Variants in PTPRO observed in about 807,000 individuals in gnomAD.
The protein encoded by PTPRO is protein tyrosine phosphatase receptor type O, also known as receptor-type tyrosine-protein phosphatase O.
PTPRO carries 62 observed loss-of-function variants against 145.2 expected under a neutral mutation model. The observed-to-expected ratio is 0.43, with a 90% CI of 0.35 to 0.53. PTPRO has a LOEUF of 0.53. Ranked by LOEUF, PTPRO falls within the 20% of genes least tolerant of loss-of-function variation. PTPRO has a pLI of 0.01. For missense variants in PTPRO, 1,345 were observed against 1,482.7 expected, an observed-to-expected ratio of 0.91 and a Z score of 1.53; for synonymous variants, 565 against 514.7, an observed-to-expected ratio of 1.10 and a Z score of -1.32.
chr12:15,585,841 T>G lies in PTPRO; in HGVS notation c.3256-1056T>G, dbSNP rs540009768. Among the ~76,000 whole-genome samples the G allele has an allele frequency of 4.6e-5, 7 of 152,310 alleles. No individual in the cohort carries two copies. The South Asian group carries it at 1.5e-3, about 32-fold the overall frequency. ...AGAATATGTAACTCTTACAAGTTAG[T>G]TGGGACTAAAAAGAGTTGATCTGGA... On this transcript the variant is annotated intron_variant, in intron 23 of 26. Coordinates refer to ENST00000281171, the MANE Select transcript of PTPRO (RefSeq NM_030667.3).
At chr12:15,502,820 T>C (rs1942248621) in intron 5 of PTPRO, among the ~76,000 whole-genome samples, 1 of 152,196 alleles carries the variant, frequency 6.6e-6, no homozygotes, top group Non-Finnish European at 1.5e-5. Context: ...TACAGTAATA[T>C]ACTTCATTTT....
chr12:15,390,663 A>G (rs1292440030), intron 1 of PTPRO, among the ~76,000 whole-genome samples: 1 of 152,194 alleles, frequency 6.6e-6, no homozygotes, highest in Non-Finnish European at 1.5e-5. Context: ...AATAAGAATT[A>G]TATGGTCTAG....
intron 1 of PTPRO, among the ~76,000 whole-genome samples, chr12:15,458,146 A>AT (rs936480114): frequency 4.0e-5 from 6 of 151,888 alleles, no homozygotes; most frequent in East Asian, 1.9e-4. Context: ...TAGTTGACAG[A>AT]TTTTTTTTCT....
At chr12:15,372,674 CT>C (rs1433030169) in intron 1 of PTPRO, among the ~76,000 whole-genome samples, 28 of 151,962 alleles carry the variant, frequency 1.8e-4, no homozygotes, top group Non-Finnish European at 3.7e-4. Context: ...AAGACATTGC[CT>C]ATATTAGTAA....
intron 1 of PTPRO, among the ~76,000 whole-genome samples, chr12:15,434,257 T>C (rs925260502): frequency 4.6e-5 from 7 of 152,232 alleles, no homozygotes; most frequent in African/African-American, 1.7e-4. Context: ...AGCTGTAATA[T>C]CTTAAGTTCA....
At chr12:15,450,575 A>T (rs1265087681) in intron 1 of PTPRO, among the ~76,000 whole-genome samples, 1 of 152,134 alleles carries the variant, frequency 6.6e-6, no homozygotes, top group Non-Finnish European at 1.5e-5. Context: ...GGATTTCAAG[A>T]CCTGCTAGGG....
At chr12:15,351,496 G>C (rs1421892115) in intron 1 of PTPRO, among the ~76,000 whole-genome samples, 1 of 152,114 alleles carries the variant, frequency 6.6e-6, no homozygotes, top group Non-Finnish European at 1.5e-5. Flanking sequence ...ATATTTCAAA[G>C]ATTATATGGA....
chr12:15,505,944 A>G (rs1942313020), intron 6 of PTPRO, among the ~76,000 whole-genome samples: 1 of 152,248 alleles, frequency 6.6e-6, no homozygotes, highest in South Asian at 2.1e-4. Flanking sequence ...AGCCTTATGA[A>G]GAAAACACTT....
At chr12:15,547,361 G>T (rs1432513755) in intron 13 of PTPRO, among the ~76,000 whole-genome samples, 1 of 152,198 alleles carries the variant, frequency 6.6e-6, no homozygotes, top group African/African-American at 2.4e-5. Context: ...TCTATGAGTG[G>T]CAACGCCACA....
intron 1 of PTPRO, among the ~76,000 whole-genome samples, chr12:15,340,634 C>T (rs1052243155): frequency 1.3e-5 from 2 of 152,150 alleles, no homozygotes; most frequent in African/African-American, 4.8e-5. Flanking sequence ...AAGATAATTA[C>T]ACAGAGCTGA....
At chr12:15,492,649 A>C (rs891287550) in intron 2 of PTPRO, among the ~76,000 whole-genome samples, 2 of 152,180 alleles carry the variant, frequency 1.3e-5, no homozygotes, top group African/African-American at 4.8e-5. Context: ...AATTTAATGC[A>C]TCAAACTAGG....
In PTPRO at chr12:15,388,144, T is replaced by C. The variant is rs188284628; in HGVS notation, c.75+65343T>C. 2.0e-5 allele frequency among the ~76,000 whole-genome samples: 3 copies of C among 152,234 alleles called. No homozygotes were observed. The East Asian group carries it at 5.8e-4, about 29-fold the overall frequency. On this transcript the variant is annotated intron_variant, in intron 1 of 26. Coordinates refer to ENST00000281171, the MANE Select transcript of PTPRO (RefSeq NM_030667.3). ...TTTTTTCCTTGCAAGCACAAAATAT[T>C]TTTTAACCATAAAAAGCAATGTGCA...
intron 1 of PTPRO, chr12:15,346,598 C>T (rs1477426478): frequency 2.6e-5 from 4 of 152,074 alleles, no homozygotes; most frequent in Non-Finnish European, 4.4e-5. Context: ...AGAAGATTAG[C>T]CAGTGTTTCT....
chr12:15,424,252 T>C (rs1023678141), intron 1 of PTPRO, among the ~76,000 whole-genome samples: 1 of 151,888 alleles, frequency 6.6e-6, no homozygotes, highest in Non-Finnish European at 1.5e-5. Context: ...TTTGACAAGT[T>C]TTTTGAAGAG....
At chr12:15,378,926 A>G (rs1403383467) in intron 1 of PTPRO, among the ~76,000 whole-genome samples, 3 of 152,198 alleles carry the variant, frequency 2.0e-5, no homozygotes, top group Non-Finnish European at 4.4e-5. Context: ...AAATAAAAAG[A>G]TACTCAAAAG....
At chr12:15,442,804 A>G (rs756577952) in intron 1 of PTPRO, among the ~76,000 whole-genome samples, 2 of 152,086 alleles carry the variant, frequency 1.3e-5, no homozygotes, top group African/African-American at 4.8e-5. Context: ...ACTACAAAAC[A>G]CTGCAAAAAG....
intron 1 of PTPRO, among the ~76,000 whole-genome samples, chr12:15,338,569 C>G (rs1283109949): frequency 4.6e-5 from 7 of 152,040 alleles, no homozygotes; most frequent in Admixed American, 4.6e-4. Context: ...TAAGGCATTC[C>G]CCTTCATAAT....
chr12:15,365,798 A>G (rs1938342366), intron 1 of PTPRO, among the ~76,000 whole-genome samples: 1 of 152,150 alleles, frequency 6.6e-6, no homozygotes, highest in Non-Finnish European at 1.5e-5. Context: ...GAGTCTAAAG[A>G]TGGGTCAGTG....
At chr12:15,405,395 C>A (rs1939619144) in intron 1 of PTPRO, among the ~76,000 whole-genome samples, 1 of 152,082 alleles carries the variant, frequency 6.6e-6, no homozygotes, top group Admixed American at 6.5e-5. Context: ...GAGCTTTGGA[C>A]CAAACTTTTA....
Sources: gnomAD v4.1 joint callset for allele counts (sites outside exome capture counted in the v4.1 genomes callset) on GRCh38, gnomAD v4.1.1 for gene constraint, MANE v1.5 for transcripts, NCBI Gene and HGNC (gene_info 2026-07-23, HGNC 2026-07-21) for gene names.